The following SLAMF6 variants were observed in gnomAD, a reference collection of about 807,000 sequenced individuals.
The protein encoded by SLAMF6 is SLAM family member 6, also known as NK-T-B-antigen.
SLAMF6 carries 21 observed loss-of-function variants against 38.3 expected under a neutral mutation model. That is an observed-to-expected ratio of 0.55 (90% confidence interval 0.39 to 0.79). SLAMF6 has a LOEUF of 0.79. Ranked by LOEUF, SLAMF6 falls within the 30% of genes least tolerant of loss-of-function variation. The probability of loss-of-function intolerance (pLI) is 0.00; values close to 1 mark genes in which losing one functional copy is unlikely to be tolerated. For missense variants in SLAMF6, 341 were observed against 385.3 expected, an observed-to-expected ratio of 0.89 and a Z score of 0.96; for synonymous variants, 152 against 146.3, an observed-to-expected ratio of 1.04 and a Z score of -0.28.
intron 1 of SLAMF6, among the ~76,000 whole-genome samples, chr1:160,502,400 G>A (rs1653951325): frequency 6.6e-6 from 1 of 152,156 alleles, no homozygotes; most frequent in African/African-American, 2.4e-5. Context: ...CACTGGTGAG[G>A]ATGTCAAGAC....
intron 1 of SLAMF6, among the ~76,000 whole-genome samples, chr1:160,519,324 T>C (rs980032012): frequency 9.9e-5 from 15 of 152,184 alleles, no homozygotes; most frequent in African/African-American, 3.6e-4. Context: ...CAAGTGTTGA[T>C]GAGGATGTGG....
At chr1:160,521,938 C>T (rs1225677715) in intron 1 of SLAMF6, among the ~76,000 whole-genome samples, 2 of 152,084 alleles carry the variant, frequency 1.3e-5, no homozygotes, top group Admixed American at 6.6e-5. Flanking sequence ...AGTTTGTCTC[C>T]TGCTAAAATG....
chr1:160,486,329 T>C lies in SLAMF6; in HGVS notation c.*378A>G. The C allele has an allele frequency of 4.7e-6, 1 of 212,480 alleles. No individual in the cohort carries two copies. The highest frequency in any genetic ancestry group is 9.5e-6 in the Non-Finnish European group (1 of 105,158). The allele number at this position is 212,480 out of a possible 1,614,324, so 13.2% of individuals were successfully genotyped here. On this transcript the variant is annotated 3_prime_UTR_variant, in exon 8 of 8. Coordinates refer to ENST00000368057, the MANE Select transcript of SLAMF6 (RefSeq NM_001184714.2). Reference sequence around the variant, plus strand: ...CATGTAACCAACACACTGCATTATTTCTCAATAAGTCAATCCTGCTGCTTT... The same window carrying C: ...CATGTAACCAACACACTGCATTATTCCTCAATAAGTCAATCCTGCTGCTTT...
chr1:160,491,977 A>T (rs1258207052), intron 2 of SLAMF6, among the ~76,000 whole-genome samples: 1 of 152,214 alleles, frequency 6.6e-6, no homozygotes, highest in Non-Finnish European at 1.5e-5. Flanking sequence ...CAAGACAGAA[A>T]GGAAAATGCT....
intron 1 of SLAMF6, among the ~76,000 whole-genome samples, chr1:160,519,511 C>T (rs1654891611): frequency 6.6e-6 from 1 of 152,130 alleles, no homozygotes; most frequent in East Asian, 1.9e-4. Context: ...CATAGCAGCA[C>T]TATTCGCAAG....
chr1:160,501,296 T>A (rs1047137954), intron 1 of SLAMF6, among the ~76,000 whole-genome samples: 3 of 152,118 alleles, frequency 2.0e-5, no homozygotes, highest in Non-Finnish European at 1.5e-5. Flanking sequence ...GGTAAATGAG[T>A]AGTTAGTTCT....
intron 2 of SLAMF6, among the ~76,000 whole-genome samples, chr1:160,495,774 C>A (rs1274988328): frequency 1.3e-5 from 2 of 152,214 alleles, no homozygotes; most frequent in African/African-American, 2.4e-5. Flanking sequence ...GTGCACAAGG[C>A]AACACTATCA....
chr1:160,517,993 A>C (rs1441315907), intron 1 of SLAMF6, among the ~76,000 whole-genome samples: 1 of 152,200 alleles, frequency 6.6e-6, no homozygotes, highest in African/African-American at 2.4e-5. Flanking sequence ...CATACTGCAC[A>C]TGTACCCAGA....
intron 7 of SLAMF6, 88 bp from the exon 8 acceptor site, chr1:160,486,842 T>C: frequency 2.1e-6 from 3 of 1,441,878 alleles, no homozygotes; most frequent in South Asian, 2.3e-5. Flanking sequence ...GACTGGAGAC[T>C]ACAGAGAGGC....
At chr1:160,504,748 T>C (rs530617658) in intron 1 of SLAMF6, among the ~76,000 whole-genome samples, 134 of 152,148 alleles carry the variant, frequency 8.8e-4, no homozygotes, top group Non-Finnish European at 1.4e-3. Flanking sequence ...AAAAAATAGA[T>C]ATGTCGAATG....
At chr1:160,503,167 G>C (rs564425906) in intron 1 of SLAMF6, among the ~76,000 whole-genome samples, 1 of 152,224 alleles carries the variant, frequency 6.6e-6, no homozygotes, top group South Asian at 2.1e-4. Flanking sequence ...GAAGAAGTTG[G>C]AATATTTCGC....
At chr1:160,509,273 G>A (rs752707140) in intron 1 of SLAMF6, among the ~76,000 whole-genome samples, 3 of 152,196 alleles carry the variant, frequency 2.0e-5, no homozygotes, top group Non-Finnish European at 2.9e-5. Flanking sequence ...AACAATGATA[G>A]ACTGGATTAA....
chr1:160,489,044 CT>C, intron 6 of SLAMF6, 43 bp downstream of exon 6: 1 of 1,524,582 alleles, frequency 6.6e-7, no homozygotes, highest in South Asian at 1.1e-5. Flanking sequence ...TGAACAATGG[CT>C]GTAAAACTGA....
chr1:160,505,230 G>A (rs192487036), intron 1 of SLAMF6, among the ~76,000 whole-genome samples: 72 of 152,240 alleles, frequency 4.7e-4, no homozygotes, highest in African/African-American at 1.7e-3. Flanking sequence ...ACTGAGGAAG[G>A]GGAAGAGTCT....
chr1:160,516,549 A>G (rs1274178824), intron 1 of SLAMF6, among the ~76,000 whole-genome samples: 3 of 152,172 alleles, frequency 2.0e-5, no homozygotes, highest in East Asian at 3.8e-4. Flanking sequence ...TAGCCAAGAC[A>G]ATCCTAAGCA....
chr1:160,500,930 T>C (rs989144946), intron 1 of SLAMF6, among the ~76,000 whole-genome samples: 1 of 152,180 alleles, frequency 6.6e-6, no homozygotes, highest in African/African-American at 2.4e-5. Flanking sequence ...ATTTTATAGA[T>C]TGAAATAATT....
chr1:160,514,896 A>G (rs1654662608), intron 1 of SLAMF6, among the ~76,000 whole-genome samples: 1 of 152,120 alleles, frequency 6.6e-6, no homozygotes. Flanking sequence ...GCCCACATCA[A>G]AAACCTAGAA....
rs1325582814 is a variant in SLAMF6, at chr1:160,523,144, C to T, written c.49G>A (p.Gly17Arg). ...TACACCGATCTGGATTGACATTTAC[C>T]TGGGCCAAAGCAGAAGACAAACAGG... Reference protein sequence around the residue: ...SLLFVFCFGPGNVVSQSSLTP... With the variant: ...SLLFVFCFGPRNVVSQSSLTP... The change falls in exon 1 of 8, where the codon GGG becomes AGG. Residue 17 changes from glycine to arginine, a missense_variant and splice_region_variant. Gly to Arg is a moderately radical substitution (Grantham distance 125). Transcript: ENST00000368057. The T allele has an allele frequency of 6.2e-7, 1 of 1,613,748 alleles. No individual in the cohort carries two copies. Among genetic ancestry groups the T allele is most frequent in the Non-Finnish European group, 8.5e-7 (1 of 1,179,852 alleles).
At chr1:160,522,242 G>A (rs1655016081) in intron 1 of SLAMF6, among the ~76,000 whole-genome samples, 1 of 152,154 alleles carries the variant, frequency 6.6e-6, no homozygotes, top group South Asian at 2.1e-4. Flanking sequence ...GTTCACCTCA[G>A]TTCTTCATTT....
Sources: gnomAD v4.1 joint callset for allele counts (sites outside exome capture counted in the v4.1 genomes callset) on GRCh38, gnomAD v4.1.1 for gene constraint, MANE v1.5 for transcripts, NCBI Gene and HGNC (gene_info 2026-07-23, HGNC 2026-07-21) for gene names.